The following MADD variants were observed in gnomAD, a reference collection of about 807,000 sequenced individuals.
MADD encodes MAP kinase activating death domain.
MADD carries 109 observed loss-of-function variants against 176.7 expected under a neutral mutation model. The ratio of observed to expected loss-of-function variants is 0.62; its 90% CI spans 0.53 to 0.72. The LOEUF (loss-of-function observed/expected upper bound fraction) is 0.72. Among genes scored for constraint, MADD ranks in the 30% least tolerant of loss-of-function variants. The probability of loss-of-function intolerance (pLI) is 0.00; values close to 1 mark genes in which losing one functional copy is unlikely to be tolerated. For missense variants in MADD, 1,914 were observed against 2,045.5 expected (o/e 0.94, Z 1.24); for synonymous variants, 771 against 771.3 (o/e 1.00, Z 0.01).
In MADD at chr11:47,309,449, C is replaced by T. The variant is rs111361452; in HGVS notation, c.3872+48C>T. On this transcript the variant is annotated intron_variant, in intron 24 of 32. Transcript: ENST00000402192. ...GGGAATCAGCAAACTCAGCCTCCTC[C>T]CAGTTAGTTCTGTGGTCTCCCACTT... 1.2e-5 allele frequency: 20 copies of T among 1,614,010 alleles called. No homozygotes were observed. In the East Asian group the frequency reaches 4.5e-4, roughly 36 times the overall value.
intron 19 of MADD, among the ~76,000 whole-genome samples, chr11:47,293,221 C>T (rs2066969901): frequency 1.3e-5 from 2 of 151,942 alleles, no homozygotes; most frequent in Non-Finnish European, 2.9e-5. Flanking sequence ...ACCTGGGGAC[C>T]ATTAAATGGT....
intron 20 of MADD, among the ~76,000 whole-genome samples, 157 bp downstream of exon 22, chr11:47,294,140 G>GGGAGTT (rs2068080933): frequency 6.9e-6 from 1 of 145,880 alleles, no homozygotes. Context: ...ACCTGAGGTC[G>GGGAGTT]GGAGTTCGAG....
intron 7 of MADD, 144 bp downstream of exon 7, chr11:47,279,223 A>G (rs1355899997): frequency 1.4e-6 from 1 of 695,418 alleles, no homozygotes; most frequent in Non-Finnish European, 2.5e-6. Context: ...GAAAACGCGT[A>G]TCCCATTTCT....
At chr11:47,290,963 T>G in intron 19 of MADD, 147 bp downstream of exon 20, 1 of 655,692 alleles carries the variant, frequency 1.5e-6, no homozygotes, top group South Asian at 2.1e-5. Flanking sequence ...TCTGGTGGTG[T>G]TTCTTTGTAC....
intron 7 of MADD, among the ~76,000 whole-genome samples, chr11:47,281,081 A>G (rs1009996021): frequency 2.0e-5 from 3 of 152,198 alleles, no homozygotes; most frequent in Admixed American, 1.3e-4. Context: ...TTTGAGAAGC[A>G]CTGCTGCTCT....
chr11:47,273,092 A>G (rs1017684738), intron 1 of MADD, among the ~76,000 whole-genome samples: 6 of 152,252 alleles, frequency 3.9e-5, no homozygotes, highest in African/African-American at 1.4e-4. Context: ...AGCTGAATGT[A>G]GATTGTTGAA....
intron 22 of MADD, among the ~76,000 whole-genome samples, chr11:47,297,762 G>GTTTTC (rs1359693687): frequency 7.3e-6 from 1 of 136,160 alleles, no homozygotes; most frequent in Non-Finnish European, 1.6e-5. Flanking sequence ...TTTCAATAAT[G>GTTTTC]TTTTCTTTTC....
chr11:47,288,022 TGTGATCTAC>T (rs1221447484), intron 15 of MADD, among the ~76,000 whole-genome samples: 2 of 150,996 alleles, frequency 1.3e-5, no homozygotes, highest in East Asian at 4.0e-4. Flanking sequence ...CTCCTGACCT[TGTGATCTAC>T]CCGCCTTGGC....
At chr11:47,288,825 C>A in intron 15 of MADD, 143 bp from the exon 16 acceptor site, 3 of 651,018 alleles carry the variant, frequency 4.6e-6, no homozygotes, top group South Asian at 1.9e-5. Context: ...TGGCTTCCAG[C>A]TCTGAGGTGC....
rs1430098352 is a variant in MADD, at chr11:47,274,961, A to G, written c.461A>G (p.Asn154Ser). The change falls in exon 3 of 33, where the codon AAC becomes AGC. Residue 154 changes from asparagine (N) to serine (S), a missense_variant. Asn to Ser is a conservative substitution (Grantham distance 46, BLOSUM62 1). Coordinates refer to ENST00000402192, the Ensembl canonical transcript of MADD. ...AGTGCTGACTCTACCCCTGATGTGA[A>G]CCAGTCTCCTCGGGGCAAACGCCGG... is the stretch of plus-strand genomic sequence containing the variant. 1.9e-6 allele frequency: 3 copies of G among 1,614,014 alleles called. No homozygotes were observed. In the African/African-American group the frequency reaches 4.0e-5, roughly 22 times the overall value.
chr11:47,320,528 G>C (rs893055232), intron 27 of MADD, among the ~76,000 whole-genome samples: 2 of 152,150 alleles, frequency 1.3e-5, no homozygotes, highest in Non-Finnish European at 2.9e-5. Context: ...GCTCACGCCT[G>C]TAATCCCAGT....
chr11:47,320,537 G>C lies in MADD; in HGVS notation c.4198-3134G>C, dbSNP rs914693957. Among the ~76,000 whole-genome samples the C allele has an allele frequency of 6.6e-5, 10 of 152,108 alleles. No homozygotes were observed. The East Asian group carries it at 1.9e-3, about 29-fold the overall frequency. On this transcript the variant is annotated intron_variant, in intron 27 of 32. Coordinates refer to ENST00000402192, the Ensembl canonical transcript of MADD. Reference sequence around the variant, plus strand: ...ATGTTGGCTCACGCCTGTAATCCCAGTACTTTGGGAGGCTGAGGCAGGAGG... The same window carrying C: ...ATGTTGGCTCACGCCTGTAATCCCACTACTTTGGGAGGCTGAGGCAGGAGG...
At chr11:47,273,851 G>A (rs1410027511) in exon 2 of MADD, 2 of 1,402,788 alleles carry the variant, frequency 1.4e-6, no homozygotes, top group African/African-American at 2.8e-5. Flanking sequence ...AATTCCTCCT[G>A]GGAATGCTGA....
chr11:47,326,536 C>T lies in MADD; in HGVS notation c.4543-202C>T. On this transcript the variant is annotated intron_variant, in intron 30 of 32. Coordinates refer to ENST00000402192, the Ensembl canonical transcript of MADD. ...TCATTTCTCTCCCATGCTTTCTCCT[C>T]CGGCCAGGAGCGGAAGGTACATGCC... 7.3e-7 allele frequency: 1 copy of T among 1,373,496 alleles called. No homozygotes were observed. The allele number at this position is 1,373,496 out of a possible 1,614,324, so 85.1% of individuals were successfully genotyped here. A position where few individuals can be genotyped will look rare whatever the true frequency, so the allele number is the denominator to read the frequency against.
chr11:47,327,259 G>T, intron 31 of MADD: 2 of 994,120 alleles, frequency 2.0e-6, no homozygotes, highest in Non-Finnish European at 2.4e-6. Context: ...GGGGCACCGG[G>T]CGTCGCAGGC....
intron 25 of MADD, 27 bp from the exon 29 acceptor site, chr11:47,311,705 G>GT (rs757014149): frequency 3.6e-6 from 5 of 1,401,064 alleles, no homozygotes; most frequent in Non-Finnish European, 4.1e-6. Flanking sequence ...CAGATCCCTT[G>GT]TTAAGAGTCA....
chr11:47,284,452 G>A lies in MADD; in HGVS notation c.2044G>A (p.Ala682Thr), dbSNP rs749245278. 9.3e-6 allele frequency: 15 copies of A among 1,614,040 alleles called. No individual in the cohort carries two copies. The Admixed American group carries it at 2.0e-4, about 22-fold the overall frequency. ...TGACGAGCTGCAGAATCAGAAGGAA[G>A]CAGAAGAGCCTGGCCCAGACAGTGA... Residue 682 changes from alanine (A) to threonine (T), a missense_variant, in exon 12 of 33, where the codon GCA (alanine) becomes ACA (threonine). Physicochemically the swap from Ala to Thr is moderately conservative, Grantham distance 58. Coordinates refer to ENST00000402192, the Ensembl canonical transcript of MADD.
At chr11:47,277,649 G>C (rs190723559) in intron 5 of MADD, among the ~76,000 whole-genome samples, 6 of 152,272 alleles carry the variant, frequency 3.9e-5, no homozygotes, top group Admixed American at 3.9e-4. Flanking sequence ...GCCAGCATCA[G>C]TACCCTTGTG....
intron 23 of MADD, 40 bp from the exon 26 acceptor site, chr11:47,308,940 T>C (rs753692172): frequency 6.3e-7 from 1 of 1,588,280 alleles, no homozygotes; most frequent in East Asian, 2.2e-5. Flanking sequence ...CTTTCTTTCC[T>C]TTCTTGCTAC....
Sources: gnomAD v4.1 joint callset for allele counts (sites outside exome capture counted in the v4.1 genomes callset) on GRCh38, gnomAD v4.1.1 for gene constraint, MANE v1.5 for transcripts, NCBI Gene and HGNC (gene_info 2026-07-23, HGNC 2026-07-21) for gene names.